TRIM49: variants seen among roughly 807,000 people sequenced by gnomAD.
The protein encoded by TRIM49 is tripartite motif containing 49, also known as tripartite motif-containing protein 49.
A neutral mutation model predicts 27.4 loss-of-function variants in TRIM49; 5 were observed. That is an observed-to-expected ratio of 0.18 (90% confidence interval 0.10 to 0.38). The LOEUF is 0.38. TRIM49 is among the 10% of genes least tolerant of loss of function. The pLI is 1.00. For synonymous variants in TRIM49, 69 were observed against 166.0 expected (o/e 0.42, Z 4.49); for missense variants, 188 against 487.5 (o/e 0.39, Z 5.79).
chr11:89,805,140 A>T (rs1949778864), intron 2 of TRIM49, among the ~76,000 whole-genome samples: 6 of 151,796 alleles, frequency 4.0e-5, no homozygotes, highest in Admixed American at 3.3e-4. Context: ...CTAGTAGGGA[A>T]AAGAAAAATT....
At chr11:89,782,003 A>G in the TRIM49 span, 1 of 1,528,206 alleles carries the variant, frequency 6.5e-7, no homozygotes, top group Admixed American at 2.0e-5. Context: ...GGGAGTGGAC[A>G]GCTTTGCTGT....
At chr11:89,786,741 C>G in the TRIM49 span, 1 of 137,934 alleles carries the variant, frequency 7.2e-6, no homozygotes, top group East Asian at 2.1e-4. Flanking sequence ...GGAGAGATGT[C>G]GTCAGACGGA....
rs771778967 is a variant in TRIM49, at chr11:89,798,378, T to C, written c.1111A>G (p.Ile371Val). The C allele has an allele frequency of 1.2e-5, 19 of 1,595,922 alleles. No individual in the cohort carries two copies. Among genetic ancestry groups the C allele is most frequent in the Non-Finnish European group, 1.6e-5 (19 of 1,175,384 alleles). The change falls in exon 8 of 8, where the codon ATA becomes GTA. Residue 371 changes from isoleucine to valine, a missense_variant. By Grantham distance (29) the Ile-to-Val change is conservative. Coordinates refer to ENST00000329758, the MANE Select transcript of TRIM49 (RefSeq NM_020358.2). ...AGAAAGAGTCCCGCCTTTCCATCTA[T>C]CTTCTCATTCTGATTCTTCTCTTTC... ...YRKEKNQNEK[I>V]DGKAGLFLLG...
chr11:89,777,030 T>C, the TRIM49 span: 8 of 1,548,640 alleles, frequency 5.2e-6, no homozygotes, highest in Non-Finnish European at 7.0e-6. Context: ...ATTTGCTGCA[T>C]TTGCGTGAAC....
At chr11:89,794,576 T>TA (rs1372871121), downstream of TRIM49, among the ~76,000 whole-genome samples, 2 of 150,118 alleles carry the variant, frequency 1.3e-5, no homozygotes, top group Non-Finnish European at 3.0e-5. Flanking sequence ...CCCTCAGAAA[T>TA]AATGCCACAT....
downstream of TRIM49, among the ~76,000 whole-genome samples, chr11:89,794,252 G>A (rs1206043168): frequency 3.2e-5 from 4 of 124,490 alleles, no homozygotes; most frequent in East Asian, 7.5e-4. Flanking sequence ...ACAAACAAAT[G>A]GAAGAACACA....
At chr11:89,800,813 C>T (rs1359279766) in intron 6 of TRIM49, among the ~76,000 whole-genome samples, 153 bp downstream of exon 6, 4 of 149,144 alleles carry the variant, frequency 2.7e-5, no homozygotes, top group South Asian at 2.1e-4. Flanking sequence ...TTATTTACTT[C>T]GTGGCCTTGT....
the TRIM49 span, among the ~76,000 whole-genome samples, chr11:89,785,766 A>G: frequency 6.9e-6 from 1 of 144,840 alleles, no homozygotes; most frequent in African/African-American, 2.7e-5. Context: ...AAGTGATTTT[A>G]TCAATGTCCT....
the TRIM49 span, chr11:89,782,089 G>A: frequency 3.7e-5 from 57 of 1,549,864 alleles, no homozygotes; most frequent in Non-Finnish European, 4.7e-5. Context: ...ACTGGATTCT[G>A]GGAGTCTGTC....
the TRIM49 span, among the ~76,000 whole-genome samples, chr11:89,770,038 T>G: frequency 7.6e-6 from 1 of 131,622 alleles, no homozygotes; most frequent in Non-Finnish European, 1.5e-5. Context: ...GATGATTAGT[T>G]GCAGGAGGAT....
the TRIM49 span, among the ~76,000 whole-genome samples, chr11:89,791,626 T>C: frequency 6.6e-6 from 1 of 151,078 alleles, no homozygotes; most frequent in African/African-American, 2.4e-5. Context: ...ACCCAGAATA[T>C]CATATCCAGC....
At chr11:89,805,825 C>G (rs1949785612) in intron 2 of TRIM49, among the ~76,000 whole-genome samples, 1 of 148,892 alleles carries the variant, frequency 6.7e-6, no homozygotes, top group Non-Finnish European at 1.5e-5. Flanking sequence ...CAGAGCGATT[C>G]TCCTGCATCA....
downstream of TRIM49, among the ~76,000 whole-genome samples, chr11:89,795,942 T>C (rs555977785): frequency 2.0e-5 from 3 of 152,004 alleles, no homozygotes; most frequent in African/African-American, 7.2e-5. Context: ...ACACTGAATA[T>C]GCATCTGCTA....
downstream of TRIM49, among the ~76,000 whole-genome samples, chr11:89,793,276 G>A (rs1274206318): frequency 6.6e-6 from 1 of 152,050 alleles, no homozygotes; most frequent in Admixed American, 6.5e-5. Flanking sequence ...GGGTCCGGAT[G>A]GATTCACAGC....
chr11:89,792,548 C>T, the TRIM49 span, among the ~76,000 whole-genome samples: 1 of 152,284 alleles, frequency 6.6e-6, no homozygotes, highest in Non-Finnish European at 1.5e-5. Context: ...AACTGTCTCT[C>T]AGACCACAGC....
the TRIM49 span, chr11:89,768,416 G>C: frequency 1.6e-6 from 1 of 635,648 alleles, no homozygotes; most frequent in Non-Finnish European, 2.6e-6. Flanking sequence ...GGATGGGTTT[G>C]TGGCCCTTAG....
At position 89,798,586 on chromosome 11, in the gene TRIM49, A is replaced by C. The variant is rs1458028539; in HGVS notation, c.903T>G (p.Phe301Leu). The C allele has an allele frequency of 1.3e-6, 2 of 1,549,716 alleles. No individual in the cohort carries two copies. Among genetic ancestry groups the C allele is most frequent in the Non-Finnish European group, 1.7e-6 (2 of 1,154,198 alleles). The change falls in exon 8 of 8, where the codon TTT becomes TTG. Residue 301 changes from phenylalanine to leucine, a missense_variant. Physicochemically the swap from Phe to Leu is conservative, Grantham distance 22. Transcript: ENST00000329758. The stretch of plus-strand genomic sequence containing the variant: ...ACATGCTTCTCAAAATTTCATACAG[A>C]AAGATATCATTGTTGGCTTCTTCAT... ...LHHEEANNDI[F>L]LYEILRSMCI...
intron 5 of TRIM49, 93 bp from the exon 6 acceptor site, chr11:89,801,081 ATAT>A (rs2134638589): frequency 7.3e-7 from 1 of 1,368,578 alleles, no homozygotes; most frequent in East Asian, 2.5e-5. Context: ...GTTTCTGAAG[ATAT>A]TATTTCCCTA....
intron 6 of TRIM49, among the ~76,000 whole-genome samples, chr11:89,800,032 T>G (rs1949722225): frequency 6.6e-6 from 1 of 151,184 alleles, no homozygotes; most frequent in South Asian, 2.1e-4. Context: ...TTCTTTTTTT[T>G]TTTTTTGCTC....
Sources: gnomAD v4.1 joint callset for allele counts (sites outside exome capture counted in the v4.1 genomes callset) on GRCh38, gnomAD v4.1.1 for gene constraint, MANE v1.5 for transcripts, NCBI Gene and HGNC (gene_info 2026-07-23, HGNC 2026-07-21) for gene names.